The following ZNF683 variants were observed in gnomAD, a reference collection of about 807,000 sequenced individuals.
ZNF683 encodes the protein zinc finger protein 683, also known as tissue-resident T-cell transcription regulator protein ZNF683.
Under a neutral mutation model 31.4 loss-of-function variants are expected in ZNF683, and 20 were observed. The ratio of observed to expected loss-of-function variants is 0.64; its 90% CI spans 0.45 to 0.93. The LOEUF is 0.93. ZNF683 is among the 40% of genes least tolerant of loss of function. The probability of loss-of-function intolerance (pLI) is 0.00; values close to 1 mark genes in which losing one functional copy is unlikely to be tolerated. For synonymous variants in ZNF683, 264 were observed against 267.6 expected (o/e 0.99, Z 0.13); for missense variants, 621 against 637.2 (o/e 0.97, Z 0.27).
rs549651303 is a variant in ZNF683, at chr1:26,363,287, T to G, written c.1015-133A>C. ...TCAGGGCCCATCATCCCCAGGATAC[T>G]CTACTCTTTCTGCTGCCCTGTAGGG... is the stretch of plus-strand genomic sequence containing the variant. On this transcript the variant is annotated intron_variant, in intron 4 of 5. Transcript: ENST00000349618. 8.5e-5 allele frequency: 102 copies of G among 1,203,978 alleles called. No individual in the cohort carries two copies. The African/African-American group carries it at 1.1e-3, about 13-fold the overall frequency. The allele number at this position is 1,203,978 out of a possible 1,614,324, so 74.6% of individuals were successfully genotyped here.
chr1:26,365,304 G>GAGCA, intron 3 of ZNF683, 78 bp from the exon 4 acceptor site: 1 of 1,413,446 alleles, frequency 7.1e-7, no homozygotes, highest in Non-Finnish European at 9.4e-7. Context: ...TGCCCTGCTC[G>GAGCA]GGGCTGAGAA....
chr1:26,370,344 C>T (rs887622340), intron 1 of ZNF683, among the ~76,000 whole-genome samples: 3 of 152,144 alleles, frequency 2.0e-5, no homozygotes, highest in East Asian at 1.9e-4. Context: ...ACCAAGCCCC[C>T]GGATGCCCCT....
chr1:26,372,745 G>A lies in ZNF683; in HGVS notation c.-91C>T. On this transcript the variant is annotated 5_prime_UTR_variant, in exon 1 of 6. Coordinates refer to ENST00000349618, the MANE Select transcript of ZNF683 (RefSeq NM_001114759.3). ...ATCTGCTCAGGTTCCTCAGTTAGAA[G>A]ACCATGGTCCTCCCTTTGTGCTACC... is the stretch of plus-strand genomic sequence containing the variant. The A allele has an allele frequency of 3.3e-6, 4 of 1,219,086 alleles. No homozygotes were observed. Among genetic ancestry groups the A allele is most frequent in the Non-Finnish European group, 4.2e-6 (4 of 955,036 alleles). The allele number at this position is 1,219,086 out of a possible 1,614,324, so 75.5% of individuals were successfully genotyped here.
At position 26,365,024 on chromosome 1, in the gene ZNF683, G is replaced by A; in HGVS notation, c.522C>T (p.Pro174=). Residue 174 remains proline (P), a synonymous_variant, in exon 4 of 6, where the codon CCC becomes CCT. Transcript: ENST00000349618. The part of the protein sequence containing the change: ...RKSPSPLAFC[P]CPPVNSISKE... ...TGGAGATGGAGTTGACAGGGGGACA[G>A]GGGCAGAAAGCCAAGGGGCTGGGGC... 6.3e-7 allele frequency: 1 copy of A among 1,590,110 alleles called. No individual in the cohort carries two copies. The highest frequency in any genetic ancestry group is 8.5e-7 in the Non-Finnish European group (1 of 1,169,962).
intron 1 of ZNF683, chr1:26,372,425 A>G: frequency 7.9e-7 from 1 of 1,259,498 alleles, no homozygotes; most frequent in African/African-American, 1.5e-5. Context: ...CCATTATAAA[A>G]GCCGAAATGG....
chr1:26,368,455 T>C lies in ZNF683; in HGVS notation c.114+3A>G, dbSNP rs372413792. On this transcript the variant is annotated splice_donor_region_variant and intron_variant, in intron 2 of 5. Coordinates refer to ENST00000349618, the MANE Select transcript of ZNF683 (RefSeq NM_001114759.3). Reference sequence around the variant, plus strand: ...CAAAGGTAAGGCTGGGGTTCTACCTTACCTGGTCACCTCGGAAGAGCTGGA... The same window carrying C: ...CAAAGGTAAGGCTGGGGTTCTACCTCACCTGGTCACCTCGGAAGAGCTGGA... The C allele has an allele frequency of 6.3e-7, 1 of 1,582,696 alleles. No individual in the cohort carries two copies. Among genetic ancestry groups the C allele is most frequent in the Non-Finnish European group, 8.6e-7 (1 of 1,166,018 alleles).
At chr1:26,369,994 CTCAATCAATCAA>C (rs71765830) in intron 1 of ZNF683, among the ~76,000 whole-genome samples, 1 of 151,110 alleles carries the variant, frequency 6.6e-6, no homozygotes, top group Non-Finnish European at 1.5e-5. Context: ...AAGACCCTGT[CTCAATCAATCAA>C]TCAATCAATC....
chr1:26,361,773 T>C lies in ZNF683; in HGVS notation c.1393A>G (p.Lys465Glu). 6.2e-7 allele frequency: 1 copy of C among 1,614,042 alleles called. No individual in the cohort carries two copies. The highest frequency in any genetic ancestry group is 1.7e-5 in the Admixed American group (1 of 60,028). ...ALDLMAVASE[K>E]HMGYDIDEVK... The stretch of plus-strand genomic sequence containing the variant: ...TCATCTATGTCATAGCCCATGTGTT[T>C]CTCAGATGCCACCGCCATAAGATCT... Residue 465 changes from lysine to glutamate, a missense_variant, in exon 6 of 6, where the codon AAA (lysine) becomes GAA (glutamate). By Grantham distance (56) the Lys-to-Glu change is moderately conservative. Coordinates refer to ENST00000349618, the MANE Select transcript of ZNF683 (RefSeq NM_001114759.3).
chr1:26,367,534 G>A (rs2074551800), intron 3 of ZNF683, 59 bp downstream of exon 3: 2 of 1,455,684 alleles, frequency 1.4e-6, no homozygotes, highest in Admixed American at 2.5e-5. Context: ...AAACCTAGCA[G>A]TGCCCCCCAC....
In ZNF683 at chr1:26,364,703, G is replaced by A. The variant is rs574733527; in HGVS notation, c.843C>T (p.Thr281=). 1.7e-5 allele frequency: 27 copies of A among 1,613,898 alleles called. No individual in the cohort carries two copies. The highest frequency in any genetic ancestry group is 2.2e-5 in the East Asian group (1 of 44,876). The change falls in exon 4 of 6, where the codon ACC becomes ACT. Residue 281 remains threonine (T), a synonymous_variant. Transcript: ENST00000349618. ...ARNPGAGAAP[T]DSPGLERGGM... ...CACCACGCTCCAGGCCTGGGGAGTC[G>A]GTTGGGGCAGCTCCAGCACCTGGAT...
intron 4 of ZNF683, among the ~76,000 whole-genome samples, chr1:26,364,179 G>A (rs1274782939): frequency 6.6e-6 from 1 of 152,230 alleles, no homozygotes; most frequent in Non-Finnish European, 1.5e-5. Flanking sequence ...GTCCAGAAAG[G>A]ATGGTTGTCC....
Position 26,367,804 on chromosome 1 carries a change from G to A in ZNF683, c.115-7C>T. On this transcript the variant is annotated splice_region_variant and splice_polypyrimidine_tract_variant and intron_variant, in intron 2 of 5. Coordinates refer to ENST00000349618, the MANE Select transcript of ZNF683 (RefSeq NM_001114759.3). Reference sequence around the variant, plus strand: ...GTCTGCAGGCTGAGAAGACCTGGAGGGCAGGGGCAAGGGGCTTGGGGGCTG... The same window carrying A: ...GTCTGCAGGCTGAGAAGACCTGGAGAGCAGGGGCAAGGGGCTTGGGGGCTG... The A allele has an allele frequency of 6.4e-7, 1 of 1,569,552 alleles. No individual in the cohort carries two copies. The highest frequency in any genetic ancestry group is 1.2e-5 in the South Asian group (1 of 84,784).
In ZNF683 at chr1:26,361,966, G is replaced by T. The variant is rs2074396649; in HGVS notation, c.1200C>A (p.His400Gln). Residue 400 changes from histidine to glutamine, a missense_variant, in exon 6 of 6, where the codon CAC becomes CAA. Transcript: ENST00000349618. ...TGCACTGGAAGGGCCGGGCCCCGGA[G>T]TGCAGGCGCAGGTGGGTCTTGAGGT... ...SSNLKTHLRL[H>Q]SGARPFQCSV... is the part of the protein sequence containing the mutation. 3 of 1,614,020 alleles carry T rather than the reference G, an allele frequency of 1.9e-6. No individual in the cohort carries two copies. In the East Asian group the frequency reaches 6.7e-5, roughly 36 times the overall value.
At chr1:26,362,851 C>T (rs569597331) in intron 5 of ZNF683, among the ~76,000 whole-genome samples, 175 bp downstream of exon 5, 2 of 152,264 alleles carry the variant, frequency 1.3e-5, no homozygotes, top group South Asian at 4.2e-4. Flanking sequence ...TTTGGAGTGA[C>T]CTTCAGTATT....
intron 1 of ZNF683, among the ~76,000 whole-genome samples, 167 bp from the exon 2 acceptor site, chr1:26,368,752 C>A (rs976509252): frequency 2.6e-5 from 4 of 152,176 alleles, no homozygotes; most frequent in African/African-American, 9.7e-5. Flanking sequence ...CTAGTTGATG[C>A]GTAAGGATTC....
At chr1:26,371,983 C>T (rs2074681268) in intron 1 of ZNF683, among the ~76,000 whole-genome samples, 1 of 152,052 alleles carries the variant, frequency 6.6e-6, no homozygotes, top group Non-Finnish European at 1.5e-5. Flanking sequence ...AAAAGGGAGA[C>T]CTCATAGGCC....
rs1294996145 is a variant in ZNF683, at chr1:26,367,618, G to A, written c.294C>T (p.Gly98=). Reference sequence around the variant, plus strand: ...TCATGCTCAAGGCGTCCTCTTGGAGGCCCTGCAGGTCTGTGCCCAGGGGTG... The same window carrying A: ...TCATGCTCAAGGCGTCCTCTTGGAGACCCTGCAGGTCTGTGCCCAGGGGTG... The part of the protein sequence containing the change: ...QPAPLGTDLQ[G]LQEDALSMKH... The change falls in exon 3 of 6, where the codon GGC becomes GGT. Residue 98 remains glycine (G), a synonymous_variant. Coordinates refer to ENST00000349618, the MANE Select transcript of ZNF683 (RefSeq NM_001114759.3). 6.2e-7 allele frequency: 1 copy of A among 1,609,202 alleles called. No individual in the cohort carries two copies. The highest frequency in any genetic ancestry group is 1.1e-5 in the South Asian group (1 of 90,464).
intron 1 of ZNF683, among the ~76,000 whole-genome samples, chr1:26,370,196 A>G (rs2074636410): frequency 6.6e-6 from 1 of 152,128 alleles, no homozygotes; most frequent in African/African-American, 2.4e-5. Context: ...TCTACCAACC[A>G]GAGGCCCCCC....
rs1181654263 is a variant in ZNF683 at position 26,367,574 on chromosome 1, C to T, written c.319+19G>A. On this transcript the variant is annotated intron_variant, in intron 3 of 5. Coordinates refer to ENST00000349618, the MANE Select transcript of ZNF683 (RefSeq NM_001114759.3). Reference sequence around the variant, plus strand: ...CAGCCTCTGCCAGGCGCAGGTGCAGCCCGGTGCCCTGGGCTTACTCATGCT... The same window carrying T: ...CAGCCTCTGCCAGGCGCAGGTGCAGTCCGGTGCCCTGGGCTTACTCATGCT... 1.9e-6 allele frequency: 3 copies of T among 1,556,970 alleles called. No homozygotes were observed. The highest frequency in any genetic ancestry group is 2.6e-6 in the Non-Finnish European group (3 of 1,152,006).
Sources: gnomAD v4.1 joint callset for allele counts (sites outside exome capture counted in the v4.1 genomes callset) on GRCh38, gnomAD v4.1.1 for gene constraint, MANE v1.5 for transcripts, NCBI Gene and HGNC (gene_info 2026-07-23, HGNC 2026-07-21) for gene names.